Variants in PRKG1 observed in about 807,000 individuals in gnomAD.
PRKG1 encodes protein kinase cGMP-dependent 1.
A neutral mutation model predicts 88.1 loss-of-function variants in PRKG1; 35 were observed. The ratio of observed to expected loss-of-function variants is 0.40; its 90% confidence interval spans 0.30 to 0.53. PRKG1 has a LOEUF of 0.53. Among genes scored for constraint, PRKG1 ranks in the 20% least tolerant of loss-of-function variants. PRKG1 has a pLI of 0.59. For missense variants in PRKG1, 540 were observed against 839.8 expected, an observed-to-expected ratio of 0.64 and a Z score of 4.41; for synonymous variants, 303 against 292.5, an observed-to-expected ratio of 1.04 and a Z score of -0.37.
At chr10:51,335,915 T>C (rs1314734628) in intron 2 of PRKG1, among the ~76,000 whole-genome samples, 2 of 152,234 alleles carry the variant, frequency 1.3e-5, no homozygotes, top group African/African-American at 4.8e-5. Context: ...GTCAATTATG[T>C]AGAAACTTCA....
intron 5 of PRKG1, among the ~76,000 whole-genome samples, chr10:52,008,416 G>A (rs142378831): frequency 4.9e-4 from 75 of 151,974 alleles, no homozygotes; most frequent in African/African-American, 1.7e-3. Context: ...ATTCAAATAA[G>A]CACCATTAGA....
At chr10:52,187,974 ATAAAT>A (rs1839241497) in intron 9 of PRKG1, among the ~76,000 whole-genome samples, 1 of 152,102 alleles carries the variant, frequency 6.6e-6, no homozygotes, top group African/African-American at 2.4e-5. Context: ...AAGGAGAATA[ATAAAT>A]TAAAACAGTA....
At chr10:52,012,878 G>A (rs185245676) in intron 5 of PRKG1, among the ~76,000 whole-genome samples, 4 of 152,210 alleles carry the variant, frequency 2.6e-5, no homozygotes, top group African/African-American at 7.2e-5. Flanking sequence ...TATATTCACC[G>A]CATACTATGT....
chr10:51,507,571 G>T (rs577960130), intron 3 of PRKG1, among the ~76,000 whole-genome samples: 179 of 152,216 alleles, frequency 1.2e-3, no homozygotes, highest in African/African-American at 4.3e-3. Flanking sequence ...TGCAGTTAAA[G>T]ATTTTGTAAG....
At chr10:52,274,608 T>A (rs966682527) in intron 12 of PRKG1, among the ~76,000 whole-genome samples, 1 of 151,944 alleles carries the variant, frequency 6.6e-6, no homozygotes, top group Non-Finnish European at 1.5e-5. Flanking sequence ...CATTCATTGA[T>A]TGATGGGCAT....
At chr10:51,934,592 A>G (rs1169742393) in intron 5 of PRKG1, among the ~76,000 whole-genome samples, 1 of 152,144 alleles carries the variant, frequency 6.6e-6, no homozygotes, top group Non-Finnish European at 1.5e-5. Context: ...TCTCTCAGGG[A>G]CCAAGGCTGA....
chr10:51,942,736 C>T (rs11000227), intron 5 of PRKG1, among the ~76,000 whole-genome samples: 28,416 of 150,616 alleles, frequency 0.19, 3,048 homozygotes, highest in East Asian at 0.3. Context: ...TTGTTTTTCT[C>T]AGGTTTGTCA....
chr10:51,633,298 T>G (rs926535385), intron 3 of PRKG1, among the ~76,000 whole-genome samples: 1 of 152,174 alleles, frequency 6.6e-6, no homozygotes, highest in Non-Finnish European at 1.5e-5. Flanking sequence ...AAAAATAGAT[T>G]AGTAATATTG....
At chr10:51,382,451 A>T (rs552560571) in intron 2 of PRKG1, among the ~76,000 whole-genome samples, 2 of 152,280 alleles carry the variant, frequency 1.3e-5, no homozygotes, top group East Asian at 3.9e-4. Flanking sequence ...GGAAGATAAT[A>T]ATGCTGCTTT....
chr10:52,114,251 G>A (rs1354096870), intron 7 of PRKG1, among the ~76,000 whole-genome samples: 6 of 152,048 alleles, frequency 3.9e-5, no homozygotes, highest in East Asian at 1.9e-4. Flanking sequence ...GAAGGTACAT[G>A]GATGTTGGGA....
At chr10:52,030,575 A>G (rs1404074997) in intron 5 of PRKG1, among the ~76,000 whole-genome samples, 1 of 152,144 alleles carries the variant, frequency 6.6e-6, no homozygotes, top group Non-Finnish European at 1.5e-5. Context: ...ATTAAGTGAT[A>G]TTGAAGGTCG....
chr10:51,321,735 A>G (rs934549622), intron 2 of PRKG1, among the ~76,000 whole-genome samples: 5 of 152,138 alleles, frequency 3.3e-5, no homozygotes, highest in Non-Finnish European at 5.9e-5. Context: ...GTAATTGTTC[A>G]TTTTAAAATG....
At chr10:52,133,525 C>T (rs764132549) in intron 7 of PRKG1, among the ~76,000 whole-genome samples, 2 of 152,098 alleles carry the variant, frequency 1.3e-5, no homozygotes, top group African/African-American at 2.4e-5. Context: ...ATGTTTGTTA[C>T]TATCTTGATC....
chr10:51,907,582 T>C lies in PRKG1; in HGVS notation c.762+12T>C, dbSNP rs1443194539. On this transcript the variant is annotated intron_variant, in intron 5 of 17. Transcript: ENST00000373980. Reference sequence around the variant, plus strand: ...ATGTCCTTGAAGAGGTAATTGTTTTTAGCCTTTGAACTTTTTGAGATGGGA... The same window carrying C: ...ATGTCCTTGAAGAGGTAATTGTTTTCAGCCTTTGAACTTTTTGAGATGGGA... 2.5e-6 allele frequency: 4 copies of C among 1,611,250 alleles called. No homozygotes were observed. The highest frequency in any genetic ancestry group is 3.4e-6 in the Non-Finnish European group (4 of 1,177,530).
intron 1 of PRKG1, among the ~76,000 whole-genome samples, chr10:51,120,306 T>G (rs1845229876): frequency 6.6e-6 from 1 of 152,228 alleles, no homozygotes; most frequent in East Asian, 1.9e-4. Context: ...TTGTTGAGGT[T>G]GTTGATTCCG....
chr10:51,780,487 C>A (rs943157068), intron 3 of PRKG1, among the ~76,000 whole-genome samples: 2 of 152,106 alleles, frequency 1.3e-5, no homozygotes, highest in African/African-American at 2.4e-5. Context: ...CTTTAAAATG[C>A]ATATTTAAAA....
At chr10:51,452,053 T>G (rs1839452849) in intron 2 of PRKG1, among the ~76,000 whole-genome samples, 1 of 151,964 alleles carries the variant, frequency 6.6e-6, no homozygotes, top group South Asian at 2.1e-4. Context: ...ACAACTTTAT[T>G]GAGATATAAT....
intron 3 of PRKG1, among the ~76,000 whole-genome samples, chr10:51,614,765 G>C (rs1465871812): frequency 6.6e-6 from 1 of 151,846 alleles, no homozygotes; most frequent in African/African-American, 2.4e-5. Context: ...TTAGATTTAG[G>C]ATTCTCTTGA....
chr10:52,230,000 G>C (rs181447994), intron 9 of PRKG1, among the ~76,000 whole-genome samples: 7 of 152,068 alleles, frequency 4.6e-5, no homozygotes, highest in African/African-American at 1.7e-4. Flanking sequence ...TATACAATAT[G>C]GTTCAGAAAT....
Sources: allele counts gnomAD v4.1 joint callset (sites outside exome capture counted in the v4.1 genomes callset), GRCh38; gene constraint gnomAD v4.1.1; transcripts MANE v1.5; gene names NCBI Gene and HGNC (gene_info 2026-07-23, HGNC 2026-07-21).